NEK6: variants seen among roughly 807,000 people sequenced by gnomAD.
NEK6 encodes the protein serine/threonine-protein kinase Nek6.
A neutral mutation model predicts 43.5 loss-of-function variants in NEK6; 27 were observed. That is an observed-to-expected ratio of 0.62 (90% confidence interval 0.46 to 0.86). The LOEUF (loss-of-function observed/expected upper bound fraction) is 0.86, where lower values mean the gene tolerates loss of function less well. Ranked by LOEUF, NEK6 falls within the 40% of genes least tolerant of loss-of-function variation. NEK6 has a pLI of 0.00. For missense variants in NEK6, 318 were observed against 414.4 expected, an observed-to-expected ratio of 0.77 and a Z score of 2.02; for synonymous variants, 167 against 164.1, an observed-to-expected ratio of 1.02 and a Z score of -0.14.
chr9:124,281,377 C>T (rs1368728470), intron 1 of NEK6, among the ~76,000 whole-genome samples: 1 of 152,188 alleles, frequency 6.6e-6, no homozygotes, highest in African/African-American at 2.4e-5. Context: ...TTCCCAAATC[C>T]CAGACCCAGG....
At chr9:124,260,606 A>G (rs1830992326) in intron 1 of NEK6, among the ~76,000 whole-genome samples, 1 of 152,132 alleles carries the variant, frequency 6.6e-6, no homozygotes, top group Non-Finnish European at 1.5e-5. Context: ...TGTGTTGGCC[A>G]GCCAGGCTGG....
At chr9:124,350,710 C>CT (rs1455612275) in intron 9 of NEK6, 127 bp from the exon 10 acceptor site, 9 of 728,564 alleles carry the variant, frequency 1.2e-5, no homozygotes, top group Non-Finnish European at 2.2e-5. Context: ...TTCTTCAGCT[C>CT]TAACGGGGAC....
intron 2 of NEK6, among the ~76,000 whole-genome samples, chr9:124,311,209 G>C (rs1005974183): frequency 2.0e-5 from 3 of 152,226 alleles, no homozygotes; most frequent in Non-Finnish European, 2.9e-5. Flanking sequence ...CAGGGTGCTG[G>C]CTCCTAAAGA....
At position 124,290,119 on chromosome 9, in the gene NEK6, G is replaced by T. The variant is rs557901775; in HGVS notation, c.-29-11817G>T. On this transcript the variant is annotated intron_variant, in intron 1 of 9. Coordinates refer to ENST00000320246, the MANE Select transcript of NEK6 (RefSeq NM_014397.6). ...CACACCGTACGGGTGGTAGGACTGG[G>T]CAAAGAAGACGCCGCCACCTGGATG... Among the ~76,000 whole-genome samples the T allele has an allele frequency of 1.4e-4, 21 of 152,362 alleles. No homozygotes were observed. In the South Asian group the frequency reaches 4.3e-3, roughly 32 times the overall value.
intron 1 of NEK6, among the ~76,000 whole-genome samples, chr9:124,270,591 T>G (rs2118914210): frequency 6.6e-6 from 1 of 152,312 alleles, no homozygotes; most frequent in South Asian, 2.1e-4. Context: ...ATGTTTTTTG[T>G]TTGCTATTTA....
intron 1 of NEK6, among the ~76,000 whole-genome samples, chr9:124,296,958 C>T (rs879344075): frequency 9.2e-5 from 14 of 152,222 alleles, no homozygotes; most frequent in African/African-American, 2.2e-4. Context: ...TAAAACCAAG[C>T]GCTCATGTCT....
At chr9:124,319,958 A>G (rs999358617) in intron 4 of NEK6, among the ~76,000 whole-genome samples, 1 of 152,148 alleles carries the variant, frequency 6.6e-6, no homozygotes, top group Non-Finnish European at 1.5e-5. Context: ...AATTACCTAC[A>G]TTTGTTACTG....
At chr9:124,299,647 A>G (rs1250729805) in intron 1 of NEK6, among the ~76,000 whole-genome samples, 2 of 151,900 alleles carry the variant, frequency 1.3e-5, no homozygotes, top group African/African-American at 4.8e-5. Context: ...AGGTGGGGAG[A>G]TGAGGCCTGT....
At position 124,297,383 on chromosome 9, in the gene NEK6, C is replaced by G. The variant is rs1832743961; in HGVS notation, c.-29-4553C>G. ...CCTAAGAGGAAGATCTGACTGTTAG[C>G]CCATTTTCCAGATGAAGAAACTGAG... On this transcript the variant is annotated intron_variant, in intron 1 of 9. Coordinates refer to ENST00000320246, the MANE Select transcript of NEK6 (RefSeq NM_014397.6). 2.0e-5 allele frequency among the ~76,000 whole-genome samples: 3 copies of G among 152,208 alleles called. No homozygotes were observed. The South Asian group carries it at 6.2e-4, about 31-fold the overall frequency.
intron 8 of NEK6, among the ~76,000 whole-genome samples, chr9:124,340,247 C>T (rs1471720356): frequency 6.6e-6 from 1 of 151,938 alleles, no homozygotes; most frequent in Non-Finnish European, 1.5e-5. Context: ...TCAGTGAGCC[C>T]AGACGTGAGA....
At chr9:124,271,702 G>A (rs1025992457) in intron 1 of NEK6, among the ~76,000 whole-genome samples, 3 of 152,260 alleles carry the variant, frequency 2.0e-5, no homozygotes, top group African/African-American at 4.8e-5. Flanking sequence ...GCTGGCTGAG[G>A]TCCCTCCCTG....
intron 1 of NEK6, chr9:124,262,876 G>A (rs146115170): frequency 9.1e-4 from 138 of 152,410 alleles, no homozygotes; most frequent in African/African-American, 3.1e-3. Context: ...AGAGCCTGCA[G>A]TGCCTGCATT....
chr9:124,346,669 C>A (rs1003777646), intron 8 of NEK6, among the ~76,000 whole-genome samples: 1 of 152,154 alleles, frequency 6.6e-6, no homozygotes, highest in Non-Finnish European at 1.5e-5. Context: ...ATGGGGCCAG[C>A]AGGTGCCACG....
chr9:124,347,844 G>T, intron 9 of NEK6, 22 bp downstream of exon 9: 1 of 1,509,422 alleles, frequency 6.6e-7, no homozygotes. Context: ...GGAGCCGGAG[G>T]CCTCGCCAGC....
At chr9:124,266,920 G>C (rs1293590263) in intron 1 of NEK6, among the ~76,000 whole-genome samples, 1 of 152,196 alleles carries the variant, frequency 6.6e-6, no homozygotes, top group Non-Finnish European at 1.5e-5. Context: ...CCAATGAGGA[G>C]GAACCTAAGC....
chr9:124,312,908 C>T (rs1833609915), intron 3 of NEK6, among the ~76,000 whole-genome samples: 2 of 152,220 alleles, frequency 1.3e-5, no homozygotes, highest in African/African-American at 4.8e-5. Flanking sequence ...AGCCTCTCAA[C>T]AGTCCCGTGG....
intron 9 of NEK6, among the ~76,000 whole-genome samples, chr9:124,348,392 A>G (rs1830065392): frequency 6.6e-6 from 1 of 152,214 alleles, no homozygotes; most frequent in Non-Finnish European, 1.5e-5. Context: ...GAATGTGTGA[A>G]TATCTTATTC....
Position 124,306,560 on chromosome 9 carries a change from C to T in NEK6, c.90+4506C>T, listed in dbSNP as rs530997788. Among the ~76,000 whole-genome samples the T allele has an allele frequency of 3.3e-5, 5 of 152,222 alleles. No individual in the cohort carries two copies. The East Asian group carries it at 7.7e-4, about 24-fold the overall frequency. Reference sequence around the variant, plus strand: ...TGCTGACTCAGAGGAGTTGCTTACTCAATGCTCTATTTTGCAGGGAAGGAA... The same window carrying T: ...TGCTGACTCAGAGGAGTTGCTTACTTAATGCTCTATTTTGCAGGGAAGGAA... On this transcript the variant is annotated intron_variant, in intron 2 of 9. Transcript: ENST00000320246.
At chr9:124,276,550 C>T (rs751247878) in intron 1 of NEK6, among the ~76,000 whole-genome samples, 26 of 152,180 alleles carry the variant, frequency 1.7e-4, no homozygotes, top group Non-Finnish European at 2.9e-4. Flanking sequence ...GGACTCAGGA[C>T]GACAGTGGCT....
Sources: gnomAD v4.1 joint callset for allele counts (sites outside exome capture counted in the v4.1 genomes callset) on GRCh38, gnomAD v4.1.1 for gene constraint, MANE v1.5 for transcripts, NCBI Gene and HGNC (gene_info 2026-07-23, HGNC 2026-07-21) for gene names.